Variants in SLC30A9 observed in about 807,000 individuals in gnomAD.
The protein encoded by SLC30A9 is solute carrier family 30 member 9.
Under a neutral mutation model 87.5 loss-of-function variants are expected in SLC30A9, and 58 were observed. That is an observed-to-expected ratio of 0.66 (90% CI 0.54 to 0.82). The LOEUF is 0.82. Among genes scored for constraint, SLC30A9 ranks in the 40% least tolerant of loss-of-function variants. SLC30A9 has a pLI of 0.00. For synonymous variants in SLC30A9, 234 were observed against 233.0 expected (o/e 1.00, Z -0.04); for missense variants, 557 against 679.1 (o/e 0.82, Z 2.00).
chr4:42,029,605 A>C (rs2153136396), intron 6 of SLC30A9: 1 of 707,984 alleles, frequency 1.4e-6, no homozygotes, highest in East Asian at 2.5e-5. Flanking sequence ...CAATGTGCCC[A>C]GTGAACCCAA....
In SLC30A9 at chr4:41,990,721, CGAT is replaced by C; in HGVS notation, c.72_74del (p.Cys25del). Reference sequence around the variant, plus strand: ...GTCCTCCCTGTGCCGGCTCCGTCTGCGATGCAGGGCGGCGGCCTGTAATCCCAG... The same window carrying C: ...GTCCTCCCTGTGCCGGCTCCGTCTGCGCAGGGCGGCGGCCTGTAATCCCAG... On this transcript the variant is annotated inframe_deletion, in exon 1 of 18. Transcript: ENST00000264451. 1 of 1,611,700 alleles carries C rather than the reference CGAT, an allele frequency of 6.2e-7. No homozygotes were observed. The highest frequency in any genetic ancestry group is 8.5e-7 in the Non-Finnish European group (1 of 1,179,266).
At chr4:42,040,323 T>TAACATAGTACCTGC (rs1334384598) in intron 8 of SLC30A9, among the ~76,000 whole-genome samples, 4 of 152,220 alleles carry the variant, frequency 2.6e-5, no homozygotes, top group Non-Finnish European at 2.9e-5. Flanking sequence ...GAAAAGTGCT[T>TAACATAGTACCTGC]AACATAGTAC....
rs1433026979 is a variant in SLC30A9, at chr4:42,089,125, C to G, written c.*2999C>G. 6.6e-6 allele frequency: 1 copy of G among 152,054 alleles called. No homozygotes were observed. Among genetic ancestry groups the G allele is most frequent in the African/African-American group, 2.4e-5 (1 of 41,388 alleles). The allele number at this position is 152,054 out of a possible 1,614,324, so 9.4% of individuals were successfully genotyped here. ...CAGGAGAATAATTACAAAAATAATA[C>G]TGGACAGAGGAGGGGCAGTCAAGGG... On this transcript the variant is annotated 3_prime_UTR_variant, in exon 18 of 18. Coordinates refer to ENST00000264451, the MANE Select transcript of SLC30A9 (RefSeq NM_006345.4).
chr4:42,078,202 T>C lies in SLC30A9; in HGVS notation c.1549-10T>C, dbSNP rs1282892099. 1 of 1,354,064 alleles carries C rather than the reference T, an allele frequency of 7.4e-7. No individual in the cohort carries two copies. Among genetic ancestry groups the C allele is most frequent in the South Asian group, 1.3e-5 (1 of 77,304 alleles). The allele number at this position is 1,354,064 out of a possible 1,614,324, so 83.9% of individuals were successfully genotyped here. A position where few individuals can be genotyped will look rare whatever the true frequency, so the allele number is the denominator to read the frequency against. On this transcript the variant is annotated splice_polypyrimidine_tract_variant and intron_variant, in intron 16 of 17. Transcript: ENST00000264451. ...AAAAATTTATTTTCCTGTTTTCATTTTCTTTATAGGAAATTCAAGAAGTGA... is the reference window on the plus strand; with the variant it reads ...AAAAATTTATTTTCCTGTTTTCATTCTCTTTATAGGAAATTCAAGAAGTGA...
intron 5 of SLC30A9, 27 bp downstream of exon 5, chr4:42,022,957 A>G: frequency 7.4e-7 from 1 of 1,344,952 alleles, no homozygotes; most frequent in Non-Finnish European, 1.0e-6. Context: ...TTCAGAATAA[A>G]AGTGCAAACC....
chr4:42,036,934 G>A (rs968630072), intron 7 of SLC30A9, among the ~76,000 whole-genome samples: 3 of 152,056 alleles, frequency 2.0e-5, no homozygotes, highest in East Asian at 1.9e-4. Flanking sequence ...TTCACTCCTC[G>A]CCTTCACATC....
chr4:42,031,592 G>T (rs967080300), intron 6 of SLC30A9, among the ~76,000 whole-genome samples: 6 of 152,174 alleles, frequency 3.9e-5, no homozygotes, highest in African/African-American at 1.2e-4. Flanking sequence ...TTTTGAATAT[G>T]AAATAGTAAC....
intron 6 of SLC30A9, among the ~76,000 whole-genome samples, chr4:42,032,590 G>A (rs916188663): frequency 6.6e-6 from 1 of 152,162 alleles, no homozygotes; most frequent in African/African-American, 2.4e-5. Context: ...GAAAAGGGAT[G>A]GAGGGAGTTT....
At chr4:42,016,160 A>G (rs548947343) in intron 2 of SLC30A9, among the ~76,000 whole-genome samples, 40 of 152,302 alleles carry the variant, frequency 2.6e-4, no homozygotes, top group Non-Finnish European at 4.6e-4. Context: ...ATTAAATGAA[A>G]TAATTTGTAA....
chr4:42,033,315 T>G (rs1342643461), intron 6 of SLC30A9, among the ~76,000 whole-genome samples: 2 of 151,566 alleles, frequency 1.3e-5, no homozygotes, highest in East Asian at 3.9e-4. Context: ...TGTTTTAAAG[T>G]TTTTGGGTTT....
chr4:42,046,989 C>T (rs934899828), intron 8 of SLC30A9, among the ~76,000 whole-genome samples: 3 of 152,170 alleles, frequency 2.0e-5, no homozygotes, highest in Non-Finnish European at 4.4e-5. Context: ...AAAGGATTCC[C>T]GATTTAATAA....
At chr4:42,023,125 T>C (rs544328239) in intron 5 of SLC30A9, among the ~76,000 whole-genome samples, 177 bp from the exon 6 acceptor site, 29 of 152,354 alleles carry the variant, frequency 1.9e-4, no homozygotes, top group Middle Eastern at 3.4e-3. Flanking sequence ...GAAAATTTGC[T>C]GTTGAATTTA....
intron 15 of SLC30A9, among the ~76,000 whole-genome samples, chr4:42,073,494 CTT>C (rs1718398868): frequency 6.6e-6 from 1 of 152,114 alleles, no homozygotes; most frequent in Admixed American, 6.5e-5. Context: ...TGGCCCAAAA[CTT>C]AGTGGTTTAA....
rs769056365 is a variant in SLC30A9, at chr4:42,049,455, C to T, written c.816C>T (p.His272=). 4 of 1,596,418 alleles carry T rather than the reference C, an allele frequency of 2.5e-6. No homozygotes were observed. The South Asian group carries it at 4.5e-5, about 18-fold the overall frequency. Residue 272 remains histidine, a synonymous_variant, in exon 9 of 18, where the codon CAC becomes CAT. Coordinates refer to ENST00000264451, the MANE Select transcript of SLC30A9 (RefSeq NM_006345.4). Reference sequence around the variant, plus strand: ...CAAGTATGTTCTCAGAAGCTATACACTCATTATCTGATACTTGTAATCAGG... The same window carrying T: ...CAAGTATGTTCTCAGAAGCTATACATTCATTATCTGATACTTGTAATCAGG... ...GSASMFSEAI[H]SLSDTCNQGL...
intron 2 of SLC30A9, among the ~76,000 whole-genome samples, chr4:42,009,361 A>G (rs1352131268): frequency 6.6e-6 from 1 of 152,244 alleles, no homozygotes; most frequent in Non-Finnish European, 1.5e-5. Flanking sequence ...TGAGTTTTGA[A>G]TAATTCAAAT....
intron 17 of SLC30A9, among the ~76,000 whole-genome samples, chr4:42,080,434 A>G (rs1718708385): frequency 1.3e-5 from 2 of 152,320 alleles, no homozygotes; most frequent in South Asian, 4.1e-4. Context: ...TCCAAACATG[A>G]AGTTTCAGTT....
In SLC30A9 at chr4:41,997,359, A is replaced by G. The variant is rs190304112; in HGVS notation, c.110-4257A>G. The stretch of plus-strand genomic sequence containing the variant: ...ATAGTCAATCTGTTAATGGTAGACT[A>G]TATTACAAATTGTGATAATGATGTT... On this transcript the variant is annotated intron_variant, in intron 1 of 17. Transcript: ENST00000264451. Among the ~76,000 whole-genome samples the G allele has an allele frequency of 2.3e-3, 352 of 152,142 alleles. 1 individual carries two copies. Among genetic ancestry groups the G allele is most frequent in the African/African-American group, 8.0e-3 (334 of 41,552 alleles).
intron 13 of SLC30A9, 84 bp downstream of exon 13, chr4:42,066,705 T>A: frequency 1.2e-6 from 1 of 851,520 alleles, no homozygotes; most frequent in Non-Finnish European, 1.9e-6. Context: ...TTGTTCCTAA[T>A]AGAAATGTAC....
chr4:42,009,149 T>G (rs567001450), intron 2 of SLC30A9, among the ~76,000 whole-genome samples: 8 of 152,362 alleles, frequency 5.3e-5, no homozygotes, highest in African/African-American at 1.9e-4. Flanking sequence ...AAATCCATGA[T>G]TAAGTTTCTT....
Sources: allele counts gnomAD v4.1 joint callset (sites outside exome capture counted in the v4.1 genomes callset), GRCh38; gene constraint gnomAD v4.1.1; transcripts MANE v1.5; gene names NCBI Gene and HGNC (gene_info 2026-07-23, HGNC 2026-07-21).